PDGFC: variants seen among roughly 807,000 people sequenced by gnomAD.
The protein encoded by PDGFC is platelet derived growth factor C.
Under a neutral mutation model 35.5 loss-of-function variants are expected in PDGFC, and 12 were observed. That is an observed-to-expected ratio of 0.34 (90% CI 0.22 to 0.55). The LOEUF is 0.55. Ranked by LOEUF, PDGFC falls within the 20% of genes least tolerant of loss-of-function variation. The pLI is 0.91. For synonymous variants in PDGFC, 159 were observed against 148.8 expected (o/e 1.07, Z -0.50); for missense variants, 322 against 412.4 (o/e 0.78, Z 1.90).
chr4:156,881,356 C>T (rs1730237022), intron 1 of PDGFC, among the ~76,000 whole-genome samples: 2 of 152,038 alleles, frequency 1.3e-5, no homozygotes, highest in African/African-American at 4.8e-5. Context: ...TAGGGTGGTA[C>T]AAATGTAATT....
intron 1 of PDGFC, among the ~76,000 whole-genome samples, chr4:156,887,605 A>G (rs1401912671): frequency 6.6e-6 from 1 of 152,182 alleles, no homozygotes; most frequent in African/African-American, 2.4e-5. Flanking sequence ...TAATGTATAC[A>G]TTTTTATTCA....
At chr4:156,890,807 T>C (rs1299497098) in intron 1 of PDGFC, among the ~76,000 whole-genome samples, 1 of 152,216 alleles carries the variant, frequency 6.6e-6, no homozygotes, top group African/African-American at 2.4e-5. Flanking sequence ...ATAGCAAATA[T>C]AAATTTAAAG....
intron 1 of PDGFC, among the ~76,000 whole-genome samples, chr4:156,866,168 C>T (rs1367204936): frequency 1.3e-5 from 2 of 152,100 alleles, no homozygotes; most frequent in African/African-American, 2.4e-5. Flanking sequence ...CATGTGTTCT[C>T]ATTGTTCAAT....
At chr4:156,898,545 T>C (rs1028720369) in intron 1 of PDGFC, among the ~76,000 whole-genome samples, 14 of 152,216 alleles carry the variant, frequency 9.2e-5, no homozygotes, top group Admixed American at 5.2e-4. Flanking sequence ...GCAACTTGTG[T>C]TTGCTCTGTC....
At chr4:156,879,175 A>T (rs1451537609) in intron 1 of PDGFC, among the ~76,000 whole-genome samples, 5 of 152,166 alleles carry the variant, frequency 3.3e-5, no homozygotes, top group Non-Finnish European at 5.9e-5. Flanking sequence ...TTTGAAAAAC[A>T]TGACAAAATT....
chr4:156,773,438 T>C (rs1730741002), intron 3 of PDGFC, among the ~76,000 whole-genome samples: 1 of 152,202 alleles, frequency 6.6e-6, no homozygotes, highest in East Asian at 1.9e-4. Context: ...CTACAATATA[T>C]TTTTAATATA....
At chr4:156,817,957 G>A (rs1319917950) in intron 2 of PDGFC, among the ~76,000 whole-genome samples, 2 of 151,246 alleles carry the variant, frequency 1.3e-5, no homozygotes, top group African/African-American at 4.9e-5. Context: ...TACTCAGGAG[G>A]CTGAGGCAGG....
intron 2 of PDGFC, among the ~76,000 whole-genome samples, chr4:156,817,676 A>G (rs1357895718): frequency 6.6e-6 from 1 of 151,854 alleles, no homozygotes; most frequent in Non-Finnish European, 1.5e-5. Flanking sequence ...GGAGAGTTCT[A>G]TTTAACTCTA....
chr4:156,804,580 A>G lies in PDGFC; in HGVS notation c.495+6257T>C, dbSNP rs192943664. 2.2e-3 allele frequency among the ~76,000 whole-genome samples: 341 copies of G among 152,046 alleles called. 3 individuals carry two copies. The highest frequency in any genetic ancestry group is 0.018 in the Admixed American group (279 of 15,228). ...CCAAACCACTCAACATGACACTCAC[A>G]TACTGCATTTTTATAGGTATTTTTT... On this transcript the variant is annotated intron_variant, in intron 3 of 5. Transcript: ENST00000502773.
At chr4:156,851,930 CAAAAA>C (rs61505882) in intron 1 of PDGFC, among the ~76,000 whole-genome samples, 10 of 47,852 alleles carry the variant, frequency 2.1e-4, no homozygotes, top group African/African-American at 6.0e-4. Flanking sequence ...GACTCCATCT[CAAAAA>C]AAAAAAAAAA....
At chr4:156,900,038 T>C (rs191757061) in intron 1 of PDGFC, among the ~76,000 whole-genome samples, 1 of 152,298 alleles carries the variant, frequency 6.6e-6, no homozygotes, top group Non-Finnish European at 1.5e-5. Flanking sequence ...ATAAATATTA[T>C]TCATCTATAT....
chr4:156,795,352 A>C (rs1731412003), intron 3 of PDGFC, among the ~76,000 whole-genome samples: 1 of 152,236 alleles, frequency 6.6e-6, no homozygotes, highest in Non-Finnish European at 1.5e-5. Flanking sequence ...TTCTGAGCTT[A>C]GATTGCATTA....
At chr4:156,943,038 G>A (rs1166843244) in intron 1 of PDGFC, among the ~76,000 whole-genome samples, 1 of 151,868 alleles carries the variant, frequency 6.6e-6, no homozygotes, top group Non-Finnish European at 1.5e-5. Context: ...GAATTCCCTC[G>A]AAAAAATCTG....
chr4:156,899,298 G>A (rs962145916), intron 1 of PDGFC, among the ~76,000 whole-genome samples: 5 of 152,138 alleles, frequency 3.3e-5, no homozygotes, highest in Admixed American at 6.5e-5. Context: ...ATATGTGTAG[G>A]TTATATTAAA....
intron 1 of PDGFC, among the ~76,000 whole-genome samples, chr4:156,932,566 AT>A (rs771010801): frequency 2.0e-3 from 307 of 152,180 alleles, no homozygotes; most frequent in Non-Finnish European, 3.5e-3. Context: ...CTATGCAGCC[AT>A]AAAAAATGAT....
At chr4:156,965,225 T>A (rs1732437510) in intron 1 of PDGFC, among the ~76,000 whole-genome samples, 1 of 152,164 alleles carries the variant, frequency 6.6e-6, no homozygotes, top group Non-Finnish European at 1.5e-5. Context: ...GGCCTGTTGT[T>A]AGAGTTAACA....
intron 1 of PDGFC, among the ~76,000 whole-genome samples, chr4:156,853,025 C>T (rs1237927382): frequency 6.6e-6 from 1 of 152,184 alleles, no homozygotes; most frequent in Non-Finnish European, 1.5e-5. Context: ...AGAATTCAGT[C>T]ACGTGGTGCC....
At chr4:156,932,893 T>C (rs375491258) in intron 1 of PDGFC, among the ~76,000 whole-genome samples, 1 of 150,912 alleles carries the variant, frequency 6.6e-6, no homozygotes, top group African/African-American at 2.4e-5. Flanking sequence ...ACTTAAGGTA[T>C]AATTAAAAAA....
intron 3 of PDGFC, among the ~76,000 whole-genome samples, chr4:156,787,803 G>A (rs985860036): frequency 6.6e-6 from 1 of 152,148 alleles, no homozygotes; most frequent in African/African-American, 2.4e-5. Context: ...GAGACATGCA[G>A]GTAAGTAGCG....
Sources: allele counts gnomAD v4.1 joint callset (sites outside exome capture counted in the v4.1 genomes callset), GRCh38; gene constraint gnomAD v4.1.1; transcripts MANE v1.5; gene names NCBI Gene and HGNC (gene_info 2026-07-23, HGNC 2026-07-21).